The following NAALAD2 variants were observed in gnomAD, a reference collection of about 807,000 sequenced individuals.
NAALAD2 encodes N-acetylated alpha-linked acidic dipeptidase 2, also known as N-acetylated-alpha-linked acidic dipeptidase 2.
In NAALAD2, 89 loss-of-function variants were observed where a neutral mutation model predicts 95.6. The observed-to-expected ratio is 0.93, with a 90% confidence interval of 0.78 to 1.11. The LOEUF (loss-of-function observed/expected upper bound fraction) is 1.11. Ranked by LOEUF, NAALAD2 falls within the 50% of genes least tolerant of loss-of-function variation. The pLI is 0.00. For missense variants in NAALAD2, 894 were observed against 872.4 expected, an observed-to-expected ratio of 1.02 and a Z score of -0.31; for synonymous variants, 264 against 294.4, an observed-to-expected ratio of 0.90 and a Z score of 1.06.
At position 90,191,843 on chromosome 11, in the gene NAALAD2, C is replaced by T; in HGVS notation, c.*96C>T. 1.1e-6 allele frequency: 1 copy of T among 928,528 alleles called. No individual in the cohort carries two copies. Among genetic ancestry groups the T allele is most frequent in the Non-Finnish European group, 1.5e-6 (1 of 671,916 alleles). The allele number at this position is 928,528 out of a possible 1,614,324, so 57.5% of individuals were successfully genotyped here. ...TTATGAAGCCAGGGTGTTCTAAACT[C>T]TTTTCATGTCATGTTTTGATTATAG... On this transcript the variant is annotated 3_prime_UTR_variant, in exon 19 of 19. Coordinates refer to ENST00000534061, the MANE Select transcript of NAALAD2 (RefSeq NM_005467.4).
rs749864671 is a variant in NAALAD2, at chr11:90,191,698, C to A, written c.2174C>A (p.Ala725Glu). The A allele has an allele frequency of 1.9e-6, 3 of 1,597,838 alleles. No homozygotes were observed. The highest frequency in any genetic ancestry group is 2.6e-6 in the Non-Finnish European group (3 of 1,172,712). The change falls in exon 19 of 19, where the codon GCA becomes GAA. Residue 725 changes from alanine to glutamate, a missense_variant. Ala to Glu is a moderately radical substitution (Grantham distance 107). Coordinates refer to ENST00000534061, the MANE Select transcript of NAALAD2 (RefSeq NM_005467.4). ...GAAGTAAAGAAACATATTTCTATTG[C>A]AGCTTTTACAATTCAAGCAGCAGCA... ...WKEVKKHISI[A>E]AFTIQAAAGT...
In NAALAD2 at chr11:90,191,622, G is replaced by C. The variant is rs143530630; in HGVS notation, c.2098G>C (p.Asp700His). The change falls in exon 19 of 19, where the codon GAT becomes CAT. Residue 700 changes from aspartate to histidine, a missense_variant. Coordinates refer to ENST00000534061, the MANE Select transcript of NAALAD2 (RefSeq NM_005467.4). ...YAGESFPGIY[D>H]AIFDIENKAN... ...TGGAGAATCATTTCCTGGAATCTAT[G>C]ATGCTATCTTTGATATTGAAAATAA... is the stretch of plus-strand genomic sequence containing the variant. The C allele has an allele frequency of 1.2e-6, 2 of 1,605,934 alleles. No homozygotes were observed. The highest frequency in any genetic ancestry group is 3.4e-5 in the Admixed American group (2 of 59,014).
Position 90,161,504 on chromosome 11 carries a change from G to A in NAALAD2, c.990-1445G>A, listed in dbSNP as rs561240569. ...TTCTGGGTTCTGGGGATTCAGCAGT[G>A]AATAAAGTAGGCAAAAATCTCCTCC... On this transcript the variant is annotated intron_variant, in intron 8 of 18. Coordinates refer to ENST00000534061, the MANE Select transcript of NAALAD2 (RefSeq NM_005467.4). Among the ~76,000 whole-genome samples the A allele has an allele frequency of 3.3e-5, 5 of 152,212 alleles. No individual in the cohort carries two copies. The East Asian group carries it at 9.7e-4, about 29-fold the overall frequency.
intron 2 of NAALAD2, among the ~76,000 whole-genome samples, chr11:90,139,300 T>C (rs1460343796): frequency 1.3e-5 from 2 of 152,098 alleles, no homozygotes; most frequent in African/African-American, 2.4e-5. Flanking sequence ...GTTAACAGCT[T>C]CATAGATAAG....
chr11:90,167,047 G>C (rs936513463), intron 11 of NAALAD2, among the ~76,000 whole-genome samples: 4 of 152,176 alleles, frequency 2.6e-5, no homozygotes, highest in Non-Finnish European at 5.9e-5. Flanking sequence ...GGCAGCCCTC[G>C]CTCGCTCTCG....
chr11:90,168,554 A>G (rs1952545189), intron 11 of NAALAD2, among the ~76,000 whole-genome samples: 1 of 152,200 alleles, frequency 6.6e-6, no homozygotes, highest in Admixed American at 6.5e-5. Context: ...CCTCACTTTT[A>G]GCCTCACTGT....
At chr11:90,157,816 G>C (rs1042574499) in intron 6 of NAALAD2, among the ~76,000 whole-genome samples, 1 of 151,978 alleles carries the variant, frequency 6.6e-6, no homozygotes, top group African/African-American at 2.4e-5. Flanking sequence ...TGCCTCCTGG[G>C]TTCAAGCGAT....
In NAALAD2 at chr11:90,134,830, A is replaced by G. The variant is rs1047728097; in HGVS notation, c.72A>G (p.Gly24=). The G allele has an allele frequency of 1.2e-6, 2 of 1,613,990 alleles. No homozygotes were observed. Among genetic ancestry groups the G allele is most frequent in the Middle Eastern group, 1.7e-4 (1 of 6,060 alleles). Residue 24 remains glycine (G), a synonymous_variant, in exon 1 of 19, where the codon GGA becomes GGG. Coordinates refer to ENST00000534061, the MANE Select transcript of NAALAD2 (RefSeq NM_005467.4). ...LAAALASFLM[G]FMVGWFIKPL... ...CTGCGCTGGCATCTTTCCTGATGGGATTTATGGTGGGTAAGTGAACAAAAC... is the reference window on the plus strand; with the variant it reads ...CTGCGCTGGCATCTTTCCTGATGGGGTTTATGGTGGGTAAGTGAACAAAAC...
chr11:90,164,076 C>G, intron 11 of NAALAD2: 1 of 197,354 alleles, frequency 5.1e-6, no homozygotes, highest in Non-Finnish European at 1.0e-5. Context: ...TTGACAGATT[C>G]CATTTAAAAT....
chr11:90,149,828 G>A (rs1293770991), intron 4 of NAALAD2, among the ~76,000 whole-genome samples: 1 of 152,108 alleles, frequency 6.6e-6, no homozygotes, highest in Non-Finnish European at 1.5e-5. Flanking sequence ...TCATACCATA[G>A]AGGTTCTTAA....
At chr11:90,159,133 A>T (rs1952209725) in intron 7 of NAALAD2, 106 bp from the exon 8 acceptor site, 1 of 882,820 alleles carries the variant, frequency 1.1e-6, no homozygotes, top group Non-Finnish European at 1.8e-6. Flanking sequence ...TTAGTAAATG[A>T]CAAATATTTG....
upstream of NAALAD2, among the ~76,000 whole-genome samples, chr11:90,133,380 A>G (rs12365789): frequency 0.13 from 20,480 of 152,218 alleles, 1,572 homozygotes; most frequent in South Asian, 0.22. Flanking sequence ...TCATGAATGT[A>G]GCATGGTGAG....
At chr11:90,185,215 A>C (rs1857099188) in intron 18 of NAALAD2, among the ~76,000 whole-genome samples, 1 of 151,784 alleles carries the variant, frequency 6.6e-6, no homozygotes, top group African/African-American at 2.4e-5. Context: ...GTGTACACAC[A>C]CAATATATAA....
intron 13 of NAALAD2, among the ~76,000 whole-genome samples, chr11:90,172,790 A>G (rs1173556861): frequency 6.6e-6 from 1 of 152,150 alleles, no homozygotes; most frequent in African/African-American, 2.4e-5. Flanking sequence ...AGAAAAATTA[A>G]GAATAGTGGC....
At chr11:90,142,503 T>C (rs914988993) in intron 2 of NAALAD2, among the ~76,000 whole-genome samples, 1 of 152,204 alleles carries the variant, frequency 6.6e-6, no homozygotes, top group Admixed American at 6.5e-5. Flanking sequence ...ATACGATGTC[T>C]TCTTCCATCT....
chr11:90,135,610 A>G lies in NAALAD2; in HGVS notation c.134A>G (p.Gln45Arg), dbSNP rs1951435770. ...ACGACCACTTCTGTGCGCTATCATC[A>G]AAGTATACGGTGGAAACTGGTATCC... ...KETTTSVRYH[Q>R]SIRWKLVSEM... is the part of the protein sequence containing the mutation. The change falls in exon 2 of 19, where the codon CAA (glutamine) becomes CGA (arginine). Residue 45 changes from glutamine to arginine, a missense_variant. Gln to Arg is a conservative substitution (Grantham distance 43). Coordinates refer to ENST00000534061, the MANE Select transcript of NAALAD2 (RefSeq NM_005467.4). 3 of 1,613,664 alleles carry G rather than the reference A, an allele frequency of 1.9e-6. No homozygotes were observed. The highest frequency in any genetic ancestry group is 2.5e-6 in the Non-Finnish European group (3 of 1,179,790).
rs747355362 is a variant in NAALAD2 at position 90,163,378 on chromosome 11, G to A, written c.1144G>A (p.Val382Ile). ...TGGAGCTATTGACCCAACCAGTGGG[G>A]TTGCTGTTTTGCAAGAAATTGCCCG... ...VFGAIDPTSG[V>I]AVLQEIARSF... Residue 382 changes from valine to isoleucine, a missense_variant, in exon 10 of 19, where the codon GTT becomes ATT. Transcript: ENST00000534061. The A allele has an allele frequency of 1.2e-6, 2 of 1,614,108 alleles. No homozygotes were observed. Among genetic ancestry groups the A allele is most frequent in the Admixed American group, 1.7e-5 (1 of 60,024 alleles).
chr11:90,184,429 T>C (rs1857061845), intron 18 of NAALAD2, among the ~76,000 whole-genome samples: 1 of 152,142 alleles, frequency 6.6e-6, no homozygotes, highest in Non-Finnish European at 1.5e-5. Flanking sequence ...AAATGGCAGC[T>C]ATTTTTATAA....
At position 90,134,829 on chromosome 11, in the gene NAALAD2, G is replaced by C. The variant is rs1951414355; in HGVS notation, c.71G>C (p.Gly24Ala). ...LAAALASFLM[G>A]FMVGWFIKPL... ...GCTGCGCTGGCATCTTTCCTGATGG[G>C]ATTTATGGTGGGTAAGTGAACAAAA... is the stretch of plus-strand genomic sequence containing the variant. Residue 24 changes from glycine to alanine, a missense_variant, in exon 1 of 19, where the codon GGA becomes GCA. Gly to Ala is a moderately conservative substitution (Grantham distance 60). Transcript: ENST00000534061. 9.3e-6 allele frequency: 15 copies of C among 1,614,168 alleles called. No homozygotes were observed. The highest frequency in any genetic ancestry group is 1.1e-5 in the Non-Finnish European group (13 of 1,180,022).
Sources: allele counts gnomAD v4.1 joint callset (sites outside exome capture counted in the v4.1 genomes callset), GRCh38; gene constraint gnomAD v4.1.1; transcripts MANE v1.5; gene names NCBI Gene and HGNC (gene_info 2026-07-23, HGNC 2026-07-21).